The following CNTNAP2 variants were observed in gnomAD, a reference collection of about 807,000 sequenced individuals.
CNTNAP2 encodes the protein contactin associated protein 2, also known as contactin-associated protein-like 2.
Under a neutral mutation model 155.2 loss-of-function variants are expected in CNTNAP2, and 98 were observed. The ratio of observed to expected loss-of-function variants is 0.63; its 90% CI spans 0.54 to 0.75. The LOEUF (loss-of-function observed/expected upper bound fraction) is 0.75, where lower values mean the gene tolerates loss of function less well. Among genes scored for constraint, CNTNAP2 ranks in the 30% least tolerant of loss-of-function variants. CNTNAP2 has a pLI of 0.00. For synonymous variants in CNTNAP2, 651 were observed against 631.2 expected, an observed-to-expected ratio of 1.03 and a Z score of -0.47; for missense variants, 1,727 against 1,688.1, an observed-to-expected ratio of 1.02 and a Z score of -0.40.
At chr7:147,290,958 C>A (rs1013081395) in intron 8 of CNTNAP2, among the ~76,000 whole-genome samples, 3 of 152,010 alleles carry the variant, frequency 2.0e-5, no homozygotes. Flanking sequence ...TCATGACATG[C>A]GCAGATCTTA....
chr7:146,940,975 A>G (rs1797044472), intron 3 of CNTNAP2, among the ~76,000 whole-genome samples: 1 of 152,128 alleles, frequency 6.6e-6, no homozygotes, highest in African/African-American at 2.4e-5. Context: ...AATTCTAGCT[A>G]TTCTTGCTCT....
intron 17 of CNTNAP2, among the ~76,000 whole-genome samples, chr7:148,168,566 G>A (rs1289719582): frequency 8.4e-6 from 1 of 119,710 alleles, no homozygotes; most frequent in African/African-American, 3.2e-5. Flanking sequence ...CTGTTGTGGG[G>A]TGGGGGGAGG....
chr7:147,586,117 A>G (rs1165147379), intron 12 of CNTNAP2, among the ~76,000 whole-genome samples: 2 of 152,140 alleles, frequency 1.3e-5, no homozygotes, highest in Non-Finnish European at 2.9e-5. Context: ...TTGGCAATTG[A>G]TTGAAAGAGT....
At chr7:148,104,450 T>C (rs1052802390) in intron 15 of CNTNAP2, among the ~76,000 whole-genome samples, 11 of 152,194 alleles carry the variant, frequency 7.2e-5, no homozygotes, top group Non-Finnish European at 1.6e-4. Context: ...CTCTGGAGGT[T>C]TTGTAGTCTA....
chr7:146,904,230 C>T (rs1369030108), intron 3 of CNTNAP2, among the ~76,000 whole-genome samples: 1 of 152,048 alleles, frequency 6.6e-6, no homozygotes, highest in Non-Finnish European at 1.5e-5. Context: ...AGCAAGCACA[C>T]CTCTGCTCAG....
At chr7:147,642,096 A>G (rs575017464) in intron 13 of CNTNAP2, among the ~76,000 whole-genome samples, 13 of 152,108 alleles carry the variant, frequency 8.5e-5, no homozygotes, top group Non-Finnish European at 1.5e-4. Context: ...ACCAAGGGCA[A>G]TAAGAGCCAC....
chr7:146,541,774 A>G (rs1166525874), intron 1 of CNTNAP2, among the ~76,000 whole-genome samples: 2 of 152,014 alleles, frequency 1.3e-5, no homozygotes, highest in African/African-American at 4.8e-5. Flanking sequence ...GGAGACAAGA[A>G]GCACATTATG....
At chr7:148,188,899 A>G (rs930011374) in intron 18 of CNTNAP2, among the ~76,000 whole-genome samples, 2 of 152,246 alleles carry the variant, frequency 1.3e-5, no homozygotes, top group Admixed American at 6.5e-5. Context: ...TAACCTAAAT[A>G]TTTCACAATA....
chr7:146,808,826 T>C (rs547432344), intron 2 of CNTNAP2, among the ~76,000 whole-genome samples: 265 of 152,334 alleles, frequency 1.7e-3, no homozygotes, highest in African/African-American at 6.3e-3. Context: ...ATCAAGCTTA[T>C]ATTCATAAAA....
At chr7:147,343,137 A>G (rs923260894) in intron 9 of CNTNAP2, among the ~76,000 whole-genome samples, 13 of 152,124 alleles carry the variant, frequency 8.5e-5, no homozygotes, top group African/African-American at 3.1e-4. Flanking sequence ...AGAAGCCTAT[A>G]TATTGTTTCC....
chr7:147,821,090 C>T (rs1256506900), intron 13 of CNTNAP2, among the ~76,000 whole-genome samples: 1 of 152,092 alleles, frequency 6.6e-6, no homozygotes, highest in Non-Finnish European at 1.5e-5. Context: ...ATACTAAAGA[C>T]ATAGTTACCT....
chr7:147,802,803 G>T (rs972090617), intron 13 of CNTNAP2, among the ~76,000 whole-genome samples: 2 of 147,794 alleles, frequency 1.4e-5, no homozygotes, highest in Admixed American at 1.3e-4. Context: ...GGGGGAGAGG[G>T]AGAGGGAGAG....
chr7:148,065,202 T>A (rs1463207122), intron 15 of CNTNAP2, among the ~76,000 whole-genome samples: 1 of 152,220 alleles, frequency 6.6e-6, no homozygotes, highest in Non-Finnish European at 1.5e-5. Context: ...ACTTGTTTTG[T>A]GGCCTATCAT....
chr7:146,970,653 C>T (rs369002914), intron 3 of CNTNAP2, among the ~76,000 whole-genome samples: 11 of 151,876 alleles, frequency 7.2e-5, no homozygotes, highest in African/African-American at 1.4e-4. Flanking sequence ...GTCAGTGTGG[C>T]GATTCCTCAG....
At chr7:146,360,675 G>T (rs980886410) in intron 1 of CNTNAP2, among the ~76,000 whole-genome samples, 1 of 152,162 alleles carries the variant, frequency 6.6e-6, no homozygotes, top group Non-Finnish European at 1.5e-5. Flanking sequence ...CAAGTGAGCA[G>T]GTCTTGGATC....
intron 1 of CNTNAP2, among the ~76,000 whole-genome samples, chr7:146,655,717 G>A (rs1799985740): frequency 6.6e-6 from 1 of 152,016 alleles, no homozygotes; most frequent in Non-Finnish European, 1.5e-5. Context: ...AATAGTATTG[G>A]AAAATGTATT....
intron 2 of CNTNAP2, among the ~76,000 whole-genome samples, chr7:146,795,064 G>C (rs767536129): frequency 1.3e-5 from 2 of 151,956 alleles, no homozygotes; most frequent in Non-Finnish European, 2.9e-5. Flanking sequence ...AAAATTTAAA[G>C]AAAAAACGCT....
chr7:147,912,247 A>C (rs1277926667), intron 14 of CNTNAP2, among the ~76,000 whole-genome samples: 1 of 152,208 alleles, frequency 6.6e-6, no homozygotes. Flanking sequence ...GTAAATGCTC[A>C]AGAAATATTG....
At chr7:146,750,980 C>T (rs926824921) in intron 1 of CNTNAP2, among the ~76,000 whole-genome samples, 1 of 151,972 alleles carries the variant, frequency 6.6e-6, no homozygotes, top group African/African-American at 2.4e-5. Flanking sequence ...TTTTATATTC[C>T]AAAGAACATG....
Sources: allele counts gnomAD v4.1 joint callset (sites outside exome capture counted in the v4.1 genomes callset), GRCh38; gene constraint gnomAD v4.1.1; transcripts MANE v1.5; gene names NCBI Gene and HGNC (gene_info 2026-07-23, HGNC 2026-07-21).